The following OPCML variants were observed in gnomAD, a reference collection of about 807,000 sequenced individuals.
OPCML encodes opioid binding protein/cell adhesion molecule like, also known as opioid-binding protein/cell adhesion molecule.
OPCML carries 13 observed loss-of-function variants against 37.8 expected under a neutral mutation model. That is an observed-to-expected ratio of 0.34 (90% CI 0.22 to 0.55). The LOEUF (loss-of-function observed/expected upper bound fraction) is 0.55, where lower values mean the gene tolerates loss of function less well. OPCML is among the 20% of genes least tolerant of loss of function. The pLI, the probability that OPCML is intolerant of heterozygous loss-of-function variation, is 0.91. For missense variants in OPCML, 341 were observed against 435.6 expected, an observed-to-expected ratio of 0.78 and a Z score of 1.93; for synonymous variants, 176 against 168.8, an observed-to-expected ratio of 1.04 and a Z score of -0.33.
intron 3 of OPCML, among the ~76,000 whole-genome samples, chr11:132,644,551 G>A (rs927260415): frequency 6.6e-5 from 10 of 152,108 alleles, no homozygotes; most frequent in Non-Finnish European, 1.2e-4. Flanking sequence ...CTATTACAAC[G>A]ATATCATCTT....
At chr11:133,118,968 C>T (rs886598393) in intron 1 of OPCML, among the ~76,000 whole-genome samples, 11 of 152,202 alleles carry the variant, frequency 7.2e-5, no homozygotes, top group African/African-American at 2.2e-4. Flanking sequence ...ATGTTAGTCC[C>T]GAAGGCCAAA....
intron 4 of OPCML, among the ~76,000 whole-genome samples, chr11:132,465,881 A>T (rs1297892497): frequency 2.6e-5 from 4 of 152,148 alleles, no homozygotes; most frequent in South Asian, 4.1e-4. Context: ...CAAGTTCTTT[A>T]TTTTGCATGA....
At chr11:132,613,204 G>A (rs907360350) in intron 3 of OPCML, among the ~76,000 whole-genome samples, 4 of 152,188 alleles carry the variant, frequency 2.6e-5, no homozygotes, top group Admixed American at 1.3e-4. Context: ...CACTATCCTG[G>A]AGAAAAGCAC....
intron 2 of OPCML, among the ~76,000 whole-genome samples, chr11:132,913,383 T>A (rs1944489838): frequency 6.6e-6 from 1 of 152,208 alleles, no homozygotes; most frequent in Non-Finnish European, 1.5e-5. Flanking sequence ...AAAATTATGA[T>A]CCATTAGTAA....
rs1406674429 is a variant in OPCML, at chr11:133,208,432, G to A, written c.62-265422C>T. 2.0e-5 allele frequency among the ~76,000 whole-genome samples: 3 copies of A among 152,310 alleles called. No individual in the cohort carries two copies. In the East Asian group the frequency reaches 5.8e-4, roughly 29 times the overall value. On this transcript the variant is annotated intron_variant, in intron 1 of 7. Coordinates refer to ENST00000524381, the MANE Select transcript of OPCML (RefSeq NM_001012393.5). This position sits in a 1 kb window ranked among gnomAD's most constrained non-coding sequence, Gnocchi z 8.9. ...CTGGAGTTTACTCTGGGCGCAGGAT[G>A]TGGTGCAGAGTAAATCATTAAATTT...
chr11:132,672,225 G>T (rs1463696955), intron 2 of OPCML, among the ~76,000 whole-genome samples: 1 of 152,172 alleles, frequency 6.6e-6, no homozygotes, highest in Admixed American at 6.5e-5. Context: ...CTGTGGGAAA[G>T]CAAAGCACAG....
At chr11:132,859,705 G>C (rs1942216288) in intron 2 of OPCML, 2 of 152,206 alleles carry the variant, frequency 1.3e-5, no homozygotes, top group Non-Finnish European at 1.5e-5. Context: ...GCAAAGGCTA[G>C]TGTTTTGTAA....
intron 1 of OPCML, among the ~76,000 whole-genome samples, chr11:132,973,780 C>T (rs139543369): frequency 2.5e-4 from 38 of 152,334 alleles, no homozygotes; most frequent in African/African-American, 8.7e-4. Flanking sequence ...CCAATCTTCT[C>T]ATTCCCCTGA....
chr11:133,223,103 G>T (rs527754159), intron 1 of OPCML, among the ~76,000 whole-genome samples: 2 of 152,168 alleles, frequency 1.3e-5, no homozygotes, highest in Admixed American at 6.5e-5. Context: ...CTCCCTGGGT[G>T]GGGACCCAGC....
chr11:132,782,943 ATATG>A (rs1555188335), intron 2 of OPCML, among the ~76,000 whole-genome samples: 25 of 140,572 alleles, frequency 1.8e-4, no homozygotes, highest in Admixed American at 2.2e-4. Context: ...ATATATATAT[ATATG>A]TATGTATGTA....
chr11:132,824,354 A>G (rs1037290556), intron 2 of OPCML, among the ~76,000 whole-genome samples: 2 of 152,052 alleles, frequency 1.3e-5, no homozygotes, highest in South Asian at 2.1e-4. Flanking sequence ...TGCAGCTCCA[A>G]CGTGCACCTA....
intron 1 of OPCML, among the ~76,000 whole-genome samples, chr11:133,328,451 C>T (rs1384281940): frequency 6.6e-6 from 1 of 152,152 alleles, no homozygotes; most frequent in East Asian, 1.9e-4. Context: ...AGCCACTGTG[C>T]CCAGCCTTAA....
chr11:133,438,837 A>G (rs1941219), intron 1 of OPCML, among the ~76,000 whole-genome samples: 22,632 of 152,102 alleles, frequency 0.15, 1,795 homozygotes, highest in African/African-American at 0.17. Flanking sequence ...GGCCTATGTA[A>G]TGAAACCTTC....
At chr11:132,856,679 C>G (rs1291362626) in intron 2 of OPCML, among the ~76,000 whole-genome samples, 4 of 152,140 alleles carry the variant, frequency 2.6e-5, no homozygotes, top group Non-Finnish European at 5.9e-5. Context: ...ACTCAACTGG[C>G]TAGGGAAAAA....
At chr11:133,447,000 A>G (rs139881534) in intron 1 of OPCML, among the ~76,000 whole-genome samples, 200 of 152,352 alleles carry the variant, frequency 1.3e-3, no homozygotes, top group African/African-American at 4.6e-3. Flanking sequence ...ACTTTTGCAT[A>G]CAAGTCTCTT....
chr11:132,632,594 G>A (rs921620088), intron 3 of OPCML, among the ~76,000 whole-genome samples: 1 of 152,072 alleles, frequency 6.6e-6, no homozygotes, highest in Non-Finnish European at 1.5e-5. Context: ...TGTCGCCGCA[G>A]AGGAGTCGCT....
intron 2 of OPCML, among the ~76,000 whole-genome samples, chr11:132,812,201 G>A (rs1939387908): frequency 6.6e-6 from 1 of 152,174 alleles, no homozygotes; most frequent in Admixed American, 6.5e-5. Context: ...AGTGGCCAGG[G>A]ATGAAGAGCA....
chr11:133,300,631 T>G (rs1942753895), intron 1 of OPCML: 1 of 152,176 alleles, frequency 6.6e-6, no homozygotes, highest in African/African-American at 2.4e-5. Context: ...TCTAAAGATA[T>G]CAGGCCTTTT....
intron 2 of OPCML, among the ~76,000 whole-genome samples, chr11:132,738,988 G>A (rs1296713994): frequency 6.6e-6 from 1 of 152,050 alleles, no homozygotes; most frequent in Non-Finnish European, 1.5e-5. Context: ...GGAAAAAAAA[G>A]CCTCCCACCC....
Sources: allele counts gnomAD v4.1 joint callset (sites outside exome capture counted in the v4.1 genomes callset), GRCh38; gene constraint gnomAD v4.1.1; non-coding constraint Gnocchi (gnomAD v3.1); transcripts MANE v1.5; gene names NCBI Gene and HGNC (gene_info 2026-07-23, HGNC 2026-07-21).